TCF7L2: variants seen among roughly 807,000 people sequenced by gnomAD.
TCF7L2 encodes transcription factor 7-like 2.
In TCF7L2, 23 loss-of-function variants were observed where a neutral mutation model predicts 77.9. The observed-to-expected ratio is 0.30, with a 90% CI of 0.21 to 0.42. The LOEUF (loss-of-function observed/expected upper bound fraction) is 0.42, where lower values mean the gene tolerates loss of function less well. Ranked by LOEUF, TCF7L2 falls within the 10% of genes least tolerant of loss-of-function variation. TCF7L2 has a pLI of 1.00. For missense variants in TCF7L2, 654 were observed against 793.1 expected, an observed-to-expected ratio of 0.82 and a Z score of 2.11; for synonymous variants, 413 against 340.2, an observed-to-expected ratio of 1.21 and a Z score of -2.36.
At chr10:113,158,301 G>A (rs1455182002) in intron 12 of TCF7L2, among the ~76,000 whole-genome samples, 1 of 152,186 alleles carries the variant, frequency 6.6e-6, no homozygotes, top group East Asian at 1.9e-4. Flanking sequence ...CTAGTGGAAT[G>A]TGTTTTAAAA....
chr10:113,092,805 A>G (rs1169907110), intron 5 of TCF7L2, among the ~76,000 whole-genome samples: 3 of 152,210 alleles, frequency 2.0e-5, no homozygotes, highest in African/African-American at 7.2e-5. Flanking sequence ...CGGAGGTTGC[A>G]GTGAGCCAAG....
chr10:112,991,507 C>CA lies in TCF7L2; in HGVS notation c.450+26894dup, dbSNP rs372874107. On this transcript the variant is annotated intron_variant, in intron 4 of 13. Transcript: ENST00000627217. ...TGGGCGACAGAGCGAGACTCCATCT[C>CA]AAAAAAAAAAAGAAAGAAAAAAAAA... Among the ~76,000 whole-genome samples, 260 of 122,514 alleles carry CA rather than the reference C, an allele frequency of 2.1e-3. 2 individuals carry two copies. The highest frequency in any genetic ancestry group is 0.021 in the South Asian group (85 of 4,122). The allele number at this position is 122,514 out of a possible 152,430, so 80.4% of individuals were successfully genotyped here.
At chr10:112,988,362 G>T (rs552505902) in intron 4 of TCF7L2, among the ~76,000 whole-genome samples, 1 of 152,324 alleles carries the variant, frequency 6.6e-6, no homozygotes, top group Admixed American at 6.5e-5. Context: ...GCCTCCCAAA[G>T]TGCTGGGATT....
chr10:112,998,219 G>A (rs192464657), intron 4 of TCF7L2, among the ~76,000 whole-genome samples: 6 of 152,030 alleles, frequency 3.9e-5, no homozygotes, highest in East Asian at 3.9e-4. Flanking sequence ...GATTATAGGC[G>A]TGAGCCACCG....
At chr10:113,036,125 CAT>C in intron 4 of TCF7L2, among the ~76,000 whole-genome samples, 2 of 59,004 alleles carry the variant, frequency 3.4e-5, no homozygotes, top group East Asian at 2.1e-4. Context: ...CCATCATCAT[CAT>C]CATCATCATC....
chr10:113,107,780 C>CA (rs2062587637), intron 5 of TCF7L2, among the ~76,000 whole-genome samples: 3 of 102,460 alleles, frequency 2.9e-5, no homozygotes, highest in African/African-American at 1.0e-4. Flanking sequence ...AAAAAAACAA[C>CA]AAAAAAATCA....
At chr10:112,994,054 C>CAAAA (rs762753537) in intron 4 of TCF7L2, among the ~76,000 whole-genome samples, 1,494 of 111,620 alleles carry the variant, frequency 0.013, 19 homozygotes, top group African/African-American at 0.044. Context: ...GACTCTGTCT[C>CAAAA]AAAAAAAAAA....
intron 5 of TCF7L2, chr10:113,089,409 C>A: frequency 6.2e-7 from 1 of 1,613,638 alleles, no homozygotes. Context: ...GAGCCCCCTC[C>A]CTTGCTGCAC....
At chr10:113,029,806 G>A (rs1477240973) in intron 4 of TCF7L2, among the ~76,000 whole-genome samples, 2 of 152,082 alleles carry the variant, frequency 1.3e-5, no homozygotes, top group African/African-American at 4.8e-5. Context: ...TGGGATTACA[G>A]GTGTGAGCCA....
At chr10:112,984,220 C>T (rs1302249948) in intron 4 of TCF7L2, among the ~76,000 whole-genome samples, 2 of 152,190 alleles carry the variant, frequency 1.3e-5, no homozygotes, top group Admixed American at 6.5e-5. Flanking sequence ...AGCTGTAAAA[C>T]AGTAGGTTAT....
At chr10:113,010,802 T>C (rs2046330226) in intron 4 of TCF7L2, among the ~76,000 whole-genome samples, 1 of 152,192 alleles carries the variant, frequency 6.6e-6, no homozygotes, top group Non-Finnish European at 1.5e-5. Context: ...TCTCTTGAGC[T>C]CGGGAGTTCC....
intron 3 of TCF7L2, among the ~76,000 whole-genome samples, chr10:112,952,419 G>A (rs958705621): frequency 6.6e-6 from 1 of 152,114 alleles, no homozygotes; most frequent in East Asian, 1.9e-4. Flanking sequence ...CTGGCTGCGG[G>A]CTCTCCCGGG....
At chr10:113,106,087 C>G (rs2062277650) in intron 5 of TCF7L2, among the ~76,000 whole-genome samples, 1 of 152,062 alleles carries the variant, frequency 6.6e-6, no homozygotes, top group Non-Finnish European at 1.5e-5. Flanking sequence ...GCTTCTGACA[C>G]AAGAAAAGTA....
chr10:113,129,437 C>G, intron 5 of TCF7L2: 9 of 1,008,026 alleles, frequency 8.9e-6, no homozygotes, highest in Non-Finnish European at 1.1e-5. Flanking sequence ...TGGACCTTCC[C>G]CCTTCCTTCA....
chr10:112,989,678 C>G (rs1245179290), intron 4 of TCF7L2, among the ~76,000 whole-genome samples: 1 of 152,170 alleles, frequency 6.6e-6, no homozygotes, highest in Non-Finnish European at 1.5e-5. Context: ...GATGGCAGTC[C>G]TTGCTTGCTG....
chr10:112,953,191 A>G (rs1463587216), intron 3 of TCF7L2, among the ~76,000 whole-genome samples: 1 of 152,080 alleles, frequency 6.6e-6, no homozygotes, highest in Non-Finnish European at 1.5e-5. Context: ...CCCTGGCAAA[A>G]TGGCAAGGGC....
At position 113,040,141 on chromosome 10, in the gene TCF7L2, A is replaced by G; in HGVS notation, c.552+15A>G. 1.2e-6 allele frequency: 2 copies of G among 1,609,894 alleles called. No individual in the cohort carries two copies. Reference sequence around the variant, plus strand: ...CACACATTGTCGTAAGTAACCTCCCAGAGATGATGGCTTCCTTTATTGAGG... The same window carrying G: ...CACACATTGTCGTAAGTAACCTCCCGGAGATGATGGCTTCCTTTATTGAGG... On this transcript the variant is annotated intron_variant, in intron 5 of 13. Coordinates refer to ENST00000627217, the MANE Select transcript of TCF7L2 (RefSeq NM_001146274.2).
At chr10:112,995,222 TTTGGGATGATTGAC>T (rs1216455813) in intron 4 of TCF7L2, among the ~76,000 whole-genome samples, 4 of 152,322 alleles carry the variant, frequency 2.6e-5, no homozygotes, top group Non-Finnish European at 5.9e-5. Flanking sequence ...GGAAGGAAAC[TTTGGGATGATTGAC>T]TTGGGACTGG....
intron 4 of TCF7L2, among the ~76,000 whole-genome samples, chr10:112,998,631 G>A (rs1226319154): frequency 1.3e-5 from 2 of 152,138 alleles, no homozygotes; most frequent in Non-Finnish European, 1.5e-5. Flanking sequence ...TTAGTTTTCA[G>A]ACGAGAAACC....
Sources: gnomAD v4.1 joint callset for allele counts (sites outside exome capture counted in the v4.1 genomes callset) on GRCh38, gnomAD v4.1.1 for gene constraint, MANE v1.5 for transcripts, NCBI Gene and HGNC (gene_info 2026-07-23, HGNC 2026-07-21) for gene names.